EIF4G1: variants seen among roughly 807,000 people sequenced by gnomAD.
EIF4G1 encodes eukaryotic translation initiation factor 4 gamma 1.
A neutral mutation model predicts 187.8 loss-of-function variants in EIF4G1; 4 were observed. The observed-to-expected ratio is 0.02, with a 90% CI of 0.01 to 0.05. The LOEUF is 0.05. EIF4G1 is among the 10% of genes least tolerant of loss of function. The probability of loss-of-function intolerance (pLI) is 1.00; values close to 1 mark genes in which losing one functional copy is unlikely to be tolerated. For missense variants in EIF4G1, 1,647 were observed against 2,081.1 expected (o/e 0.79, Z 4.06); for synonymous variants, 844 against 781.4 (o/e 1.08, Z -1.34).
Position 184,328,950 on chromosome 3 carries a change from C to T in EIF4G1, c.4121C>T (p.Ser1374Phe). ...KPLRPLGKAASLLLEILGLLC... is the reference protein window; with the variant it reads ...KPLRPLGKAAFLLLEILGLLC... ...CTGAGACCGTTGGGCAAAGCTGCTT[C>T]CCTGTTGCTGGAGATCCTGGGCCTC... is the stretch of plus-strand genomic sequence containing the variant. Residue 1374 changes from serine to phenylalanine, a missense_variant, in exon 28 of 33, where the codon TCC (serine) becomes TTC (phenylalanine). This residue lies in a region of EIF4G1 where 543 missense variants were observed against 638.0 expected (regional missense o/e 0.85). Transcript: ENST00000346169. The T allele has an allele frequency of 6.2e-7, 1 of 1,614,170 alleles. No individual in the cohort carries two copies. Among genetic ancestry groups the T allele is most frequent in the East Asian group, 2.2e-5 (1 of 44,880 alleles).
In EIF4G1 at chr3:184,322,835, C is replaced by G. The variant is rs538505681; in HGVS notation, c.1810C>G (p.Leu604Val). ...TTTCCTTGCAGATCAGTGGAAGCCT[C>G]TAAACCTAGAGGAGAAAAAACGTTA... ...YEYKSDQWKP[L>V]NLEEKKRYDR... The change falls in exon 13 of 33, where the codon CTA becomes GTA. Residue 604 changes from leucine (L) to valine (V), a missense_variant. This residue lies in a region of EIF4G1 where 522 missense variants were observed against 485.2 expected (regional missense o/e 1.08). Transcript: ENST00000346169. 2.7e-5 allele frequency: 43 copies of G among 1,614,096 alleles called. No individual in the cohort carries two copies. Among genetic ancestry groups the G allele is most frequent in the Non-Finnish European group, 3.5e-5 (41 of 1,180,046 alleles).
chr3:184,314,747 G>A (rs943349083), intron 1 of EIF4G1, 73 bp downstream of exon 1: 2 of 143,686 alleles, frequency 1.4e-5, no homozygotes, highest in Admixed American at 1.4e-4. Flanking sequence ...ATCCGGGCCG[G>A]GACCGGCCAC....
intron 6 of EIF4G1, 45 bp downstream of exon 6, chr3:184,317,861 C>T (rs1348811007): frequency 5.2e-6 from 7 of 1,350,824 alleles, no homozygotes; most frequent in Non-Finnish European, 7.4e-6. Context: ...CCCAAGGGAG[C>T]ATCTAAACTC....
At position 184,321,614 on chromosome 3, in the gene EIF4G1, C is replaced by T. The variant is rs750597188; in HGVS notation, c.1030C>T (p.Pro344Ser). Residue 344 changes from proline (P) to serine (S), a missense_variant, in exon 10 of 33, where the codon CCT (proline) becomes TCT (serine). Coordinates refer to ENST00000346169, the MANE Select transcript of EIF4G1 (RefSeq NM_198241.3). Reference sequence around the variant, plus strand: ...TCCAGAATCTGAGTTTTCTTCCAGTCCTCTCCAGGCTCCCACCCCTTTGGC... The same window carrying T: ...TCCAGAATCTGAGTTTTCTTCCAGTTCTCTCCAGGCTCCCACCCCTTTGGC... ...PVPESEFSSS[P>S]LQAPTPLASH... 1 of 1,613,676 alleles carries T rather than the reference C, an allele frequency of 6.2e-7. No homozygotes were observed.
At position 184,327,329 on chromosome 3, in the gene EIF4G1, C is replaced by G. The variant is rs200529085; in HGVS notation, c.3542C>G (p.Ala1181Gly). Residue 1181 changes from alanine to glycine, a missense_variant, in exon 24 of 33, where the codon GCT becomes GGT. This residue lies in a region of EIF4G1 where 543 missense variants were observed against 638.0 expected (regional missense o/e 0.85). Coordinates refer to ENST00000346169, the MANE Select transcript of EIF4G1 (RefSeq NM_198241.3). The stretch of plus-strand genomic sequence containing the variant: ...CGGCTTGATCGTGCGCGGACACCTG[C>G]TACCAAGCGGAGCTTCAGCAAGGAA... ...GDRLDRARTP[A>G]TKRSFSKEVE... 58 of 1,613,800 alleles carry G rather than the reference C, an allele frequency of 3.6e-5. No homozygotes were observed. The East Asian group carries it at 1.1e-3, about 30-fold the overall frequency.
At chr3:184,315,631 C>G (rs1433055821) in intron 2 of EIF4G1, 86 bp downstream of exon 2, 5 of 782,040 alleles carry the variant, frequency 6.4e-6, no homozygotes, top group Non-Finnish European at 9.2e-6. Context: ...CAGGCTGTAT[C>G]TTTTCTGCTT....
intron 27 of EIF4G1, 23 bp from the exon 28 acceptor site, chr3:184,328,886 A>G (rs1024975126): frequency 6.2e-7 from 1 of 1,614,192 alleles, no homozygotes; most frequent in African/African-American, 1.3e-5. Context: ...GGCTGTCAGC[A>G]TTAGGTTTTT....
rs1259584950 is a variant in EIF4G1 at position 184,331,304 on chromosome 3, G to A, written c.4200G>A (p.Gly1400=). 6.2e-7 allele frequency: 1 copy of A among 1,614,102 alleles called. No homozygotes were observed. The highest frequency in any genetic ancestry group is 2.2e-5 in the East Asian group (1 of 44,898). The change falls in exon 29 of 33, where the codon GGG becomes GGA. Residue 1400 remains glycine, a synonymous_variant. Coordinates refer to ENST00000346169, the MANE Select transcript of EIF4G1 (RefSeq NM_198241.3). ...KKVGTLWREA[G]LSWKEFLPEG... ...TGGGGACGCTGTGGCGAGAAGCCGG[G>A]CTTAGCTGGAAGGAATTTCTACCTG... is the stretch of plus-strand genomic sequence containing the variant.
rs1723553697 is a variant in EIF4G1, at chr3:184,319,871, T to G, written c.537+70T>G. 39 of 1,161,742 alleles carry G rather than the reference T, an allele frequency of 3.4e-5. No individual in the cohort carries two copies. The South Asian group carries it at 4.7e-4, about 14-fold the overall frequency. 72.0% of individuals were successfully genotyped at this position (1,161,742 alleles called of 1,614,324 possible). A position where few individuals can be genotyped will look rare whatever the true frequency, so the allele number is the denominator to read the frequency against. Reference sequence around the variant, plus strand: ...TCAAGGTCAGGTGCTGCTGGGACATTGTGCCGGAAAGAGCAGTGACTTGAG... The same window carrying G: ...TCAAGGTCAGGTGCTGCTGGGACATGGTGCCGGAAAGAGCAGTGACTTGAG... On this transcript the variant is annotated intron_variant, in intron 7 of 32. Transcript: ENST00000346169.
rs532807902 is a variant in EIF4G1 at position 184,322,062 on chromosome 3, C to G, written c.1478C>G (p.Ala493Gly). 3.1e-6 allele frequency: 5 copies of G among 1,614,084 alleles called. No homozygotes were observed. The East Asian group carries it at 1.1e-4, about 36-fold the overall frequency. ...LLPPESTPIPANLSQNLEAAA... is the reference protein window; with the variant it reads ...LLPPESTPIPGNLSQNLEAAA... ...CCCCCAGAGAGTACCCCTATTCCAG[C>G]CAACTTGTCTCAGAATTTGGAGGCA... The change falls in exon 10 of 33, where the codon GCC (alanine) becomes GGC (glycine). Residue 493 changes from alanine to glycine, a missense_variant. Physicochemically the swap from Ala to Gly is moderately conservative, Grantham distance 60. Coordinates refer to ENST00000346169, the MANE Select transcript of EIF4G1 (RefSeq NM_198241.3).
chr3:184,324,763 C>A, intron 17 of EIF4G1, 115 bp from the exon 18 acceptor site: 1 of 1,179,138 alleles, frequency 8.5e-7, no homozygotes, highest in Non-Finnish European at 1.2e-6. Flanking sequence ...CTATGCCCAG[C>A]CAGCCGGCCT....
Position 184,317,748 on chromosome 3 carries a change from A to C in EIF4G1, c.356A>C (p.Gln119Pro). 1 of 1,614,134 alleles carries C rather than the reference A, an allele frequency of 6.2e-7. No individual in the cohort carries two copies. Among genetic ancestry groups the C allele is most frequent in the African/African-American group, 1.3e-5 (1 of 75,038 alleles). ...GRSTYVVPTQ[Q>P]YPVQPGAPGF... is the part of the protein sequence containing the mutation. ...TCCACATACGTTGTCCCGACACAGC[A>C]GTACCCTGTGCAGCCAGGAGCCCCA... Residue 119 changes from glutamine (Q) to proline (P), a missense_variant, in exon 6 of 33, where the codon CAG becomes CCG. Coordinates refer to ENST00000346169, the MANE Select transcript of EIF4G1 (RefSeq NM_198241.3).
intron 10 of EIF4G1, 71 bp from the exon 11 acceptor site, chr3:184,322,291 T>A (rs929802078): frequency 1.3e-6 from 2 of 1,554,198 alleles, no homozygotes; most frequent in African/African-American, 2.7e-5. Context: ...GCTTTCTATT[T>A]CCCAGGGATT....
chr3:184,322,991 G>C, intron 13 of EIF4G1, 37 bp downstream of exon 13: 1 of 1,614,188 alleles, frequency 6.2e-7, no homozygotes, highest in Non-Finnish European at 8.5e-7. Context: ...CGATAAGTTT[G>C]TGCTGGATGG....
intron 2 of EIF4G1, 22 bp downstream of exon 2, chr3:184,315,567 G>A: frequency 1.3e-6 from 1 of 763,766 alleles, no homozygotes; most frequent in South Asian, 1.4e-5. Context: ...GTCTGTTTCA[G>A]TAGGTCAGGG....
chr3:184,327,182 C>G, intron 23 of EIF4G1, 34 bp from the exon 24 acceptor site: 1 of 1,610,896 alleles, frequency 6.2e-7, no homozygotes, highest in Non-Finnish European at 8.5e-7. Context: ...CTGGGCAGTG[C>G]AAGTGAGTGA....
intron 32 of EIF4G1, 121 bp downstream of exon 32, chr3:184,332,207 C>A: frequency 1.5e-6 from 2 of 1,330,836 alleles, no homozygotes; most frequent in Non-Finnish European, 2.1e-6. Context: ...GAGCAAAATG[C>A]CCTCTGGGTT....
rs758940750 is a variant in EIF4G1, at chr3:184,322,576, G to A, written c.1641G>A (p.Gln547=). 29 of 1,614,184 alleles carry A rather than the reference G, an allele frequency of 1.8e-5. No individual in the cohort carries two copies. The South Asian group carries it at 3.2e-4, about 18-fold the overall frequency. ...ANPAVPEVEN[Q]PPAGSNPGPE... is the part of the protein sequence containing the mutation. ...CGGCAGTACCAGAGGTGGAAAATCAGCCTCCTGCAGGCAGCAATCCAGGCC... is the reference window on the plus strand; with the variant it reads ...CGGCAGTACCAGAGGTGGAAAATCAACCTCCTGCAGGCAGCAATCCAGGCC... The change falls in exon 12 of 33, where the codon CAG becomes CAA. Residue 547 remains glutamine (Q), a synonymous_variant. Transcript: ENST00000346169.
At position 184,328,679 on chromosome 3, in the gene EIF4G1, C is replaced by T. The variant is rs1725443107; in HGVS notation, c.4002C>T (p.Pro1334=). The T allele has an allele frequency of 6.2e-7, 1 of 1,614,074 alleles. No homozygotes were observed. The highest frequency in any genetic ancestry group is 8.5e-7 in the Non-Finnish European group (1 of 1,180,042). Residue 1334 remains proline, a synonymous_variant, in exon 27 of 33, where the codon CCC becomes CCT. Transcript: ENST00000346169. ...CTGAGGACATGGAAATTGACATCCC[C>T]CACGTGTGGCTCTACCTAGCGGAAC... ...ELAEDMEIDI[P]HVWLYLAELV...
Sources: gnomAD v4.1 joint callset for allele counts on GRCh38, gnomAD v4.1.1 for gene constraint, gnomAD v4.1.1 regional missense constraint, MANE v1.5 for transcripts, NCBI Gene and HGNC (gene_info 2026-07-23, HGNC 2026-07-21) for gene names.